The following NEB variants were observed in gnomAD, a reference collection of about 807,000 sequenced individuals.
NEB encodes nemaline myopathy type 2.
Under a neutral mutation model 952.2 loss-of-function variants are expected in NEB, and 512 were observed. That is an observed-to-expected ratio of 0.54 (90% CI 0.50 to 0.58). The LOEUF is 0.58. Among genes scored for constraint, NEB ranks in the 20% least tolerant of loss-of-function variants. The pLI is 0.00. For synonymous variants in NEB, 2,900 were observed against 3,149.8 expected, an observed-to-expected ratio of 0.92 and a Z score of 2.66; for missense variants, 8,428 against 9,231.1, an observed-to-expected ratio of 0.91 and a Z score of 3.56.
intron 13 of NEB, among the ~76,000 whole-genome samples, chr2:151,698,292 G>A (rs557106618): frequency 2.0e-5 from 3 of 151,954 alleles, no homozygotes; most frequent in African/African-American, 7.2e-5. Flanking sequence ...ACAATTCAAT[G>A]GATTTTAGTA....
chr2:151,717,637 C>A, intron 9 of NEB, 117 bp from the exon 10 acceptor site: 1 of 740,272 alleles, frequency 1.4e-6, no homozygotes, highest in Non-Finnish European at 2.3e-6. Flanking sequence ...CATACCATTG[C>A]TCTCAGTACT....
At chr2:151,571,076 G>A (rs1279078899) in intron 107 of NEB, among the ~76,000 whole-genome samples, 1 of 152,056 alleles carries the variant, frequency 6.6e-6, no homozygotes, top group Admixed American at 6.6e-5. Flanking sequence ...CACCATCTCG[G>A]CTCACCCCAA....
At chr2:151,662,466 A>C in intron 45 of NEB, 125 bp from the exon 46 acceptor site, 2 of 768,892 alleles carry the variant, frequency 2.6e-6, no homozygotes, top group East Asian at 2.7e-5. Flanking sequence ...CCACTTCAAT[A>C]TTTGCTTGAA....
intron 69 of NEB, 34 bp from the exon 70 acceptor site, chr2:151,627,239 G>T (rs1247904207): frequency 6.3e-7 from 1 of 1,588,734 alleles, no homozygotes; most frequent in Admixed American, 1.8e-5. Context: ...GAGTATTACT[G>T]AAGTTGTTTT....
At chr2:151,644,266 G>A in intron 56 of NEB, 137 bp from the exon 57 acceptor site, 1 of 1,305,774 alleles carries the variant, frequency 7.7e-7, no homozygotes, top group Non-Finnish European at 1.1e-6. Context: ...TGATAAGAAA[G>A]ATTAAAGGCT....
rs780833404 is a variant in NEB at position 151,694,642 on chromosome 2, A to T, written c.1675-13T>A. ...GCTTATAAAGATTCTGGACAAAAAA[A>T]TTCAGCAAAGGAATTGGCAAAAGTG... On this transcript the variant is annotated splice_polypyrimidine_tract_variant and intron_variant, in intron 18 of 181. Transcript: ENST00000397345. 1.4e-5 allele frequency: 22 copies of T among 1,564,400 alleles called. No homozygotes were observed. The Admixed American group carries it at 3.1e-4, about 22-fold the overall frequency.
chr2:151,568,930 T>G (rs1382666745), intron 110 of NEB, among the ~76,000 whole-genome samples: 1 of 152,214 alleles, frequency 6.6e-6, no homozygotes, highest in African/African-American at 2.4e-5. Flanking sequence ...AGTAGGAAGT[T>G]TGCTTAGCTC....
chr2:151,544,762 A>G (rs771166268), intron 135 of NEB, among the ~76,000 whole-genome samples: 23 of 152,216 alleles, frequency 1.5e-4, no homozygotes, highest in Non-Finnish European at 2.9e-4. Flanking sequence ...CATCGCTAAG[A>G]GCCTAAGATT....
At chr2:151,496,022 T>TGGA in intron 173 of NEB, among the ~76,000 whole-genome samples, 1 of 152,234 alleles carries the variant, frequency 6.6e-6, no homozygotes, top group African/African-American at 2.4e-5. Context: ...AGAGTAAGTT[T>TGGA]GGAGAGAGAG....
At position 151,733,814 on chromosome 2, in the gene NEB, G is replaced by A. The variant is rs1022747036; in HGVS notation, c.-113-19C>T. 1 of 152,192 alleles carries A rather than the reference G, an allele frequency of 6.6e-6. No individual in the cohort carries two copies. The highest frequency in any genetic ancestry group is 2.4e-5 in the African/African-American group (1 of 41,426). The allele number at this position is 152,192 out of a possible 1,614,324, so 9.4% of individuals were successfully genotyped here. A position where few individuals can be genotyped will look rare whatever the true frequency, so the allele number is the denominator to read the frequency against. ...TTCAAACCTGAAAAATAACAAAGTT[G>A]TAAAGCATTGATTGAGGTACATATA... On this transcript the variant is annotated intron_variant, in intron 1 of 181. Coordinates refer to ENST00000397345, the MANE Select transcript of NEB (RefSeq NM_001164508.2).
chr2:151,514,355 A>G lies in NEB; in HGVS notation c.23090T>C (p.Met7697Thr). The change falls in exon 159 of 182, where the codon ATG becomes ACG. Residue 7697 changes from methionine (M) to threonine (T), a missense_variant. Transcript: ENST00000397345. ...GLTEMEDTPD[M>T]LRAKNATQIL... ...TTGAGTGGCATTCTTTGCTCTTAGC[A>G]TGTCAGGTGTATCTTCCATTTCAGT... 2 of 1,613,832 alleles carry G rather than the reference A, an allele frequency of 1.2e-6. No individual in the cohort carries two copies. Among genetic ancestry groups the G allele is most frequent in the African/African-American group, 1.3e-5 (1 of 75,048 alleles).
At chr2:151,492,058 A>G (rs770188547) in intron 178 of NEB, 40 bp downstream of exon 178, 5 of 1,589,522 alleles carry the variant, frequency 3.1e-6, no homozygotes, top group Admixed American at 1.7e-5. Flanking sequence ...CTACCCCCTC[A>G]CTTAAAGTTA....
intron 133 of NEB, 113 bp from the exon 134 acceptor site, chr2:151,546,556 A>ATTT: frequency 2.2e-6 from 1 of 460,884 alleles, no homozygotes; most frequent in South Asian, 3.6e-5. Flanking sequence ...TGGTTCATCT[A>ATTT]CTTTTTTTTT....
intron 28 of NEB, among the ~76,000 whole-genome samples, chr2:151,683,396 C>T (rs1308828827): frequency 1.3e-5 from 2 of 152,152 alleles, no homozygotes; most frequent in Non-Finnish European, 2.9e-5. Flanking sequence ...AAATGCTACT[C>T]TTGTTGTCTG....
At chr2:151,610,369 G>A (rs1433548674) in intron 80 of NEB, 147 bp downstream of exon 80, 1 of 716,098 alleles carries the variant, frequency 1.4e-6, no homozygotes, top group Non-Finnish European at 2.4e-6. Context: ...TTTATTCTCT[G>A]TAACAACAAA....
At chr2:151,533,408 T>G (rs1402116143) in intron 143 of NEB, 34 bp downstream of exon 143, 15 of 1,429,820 alleles carry the variant, frequency 1.0e-5, no homozygotes, top group Non-Finnish European at 1.4e-5. Context: ...AGACTTCTTC[T>G]AAACCTCCTT....
At position 151,734,453 on chromosome 2, in the gene NEB, C is replaced by T. The variant is rs549740944; in HGVS notation, c.-169G>A. ...GCAAAGCCTCTCCCAACTCTCCCCT[C>T]CTGAGAACCCCAGGCAAAAGCCAGC... On this transcript the variant is annotated 5_prime_UTR_variant, in exon 1 of 182. Transcript: ENST00000397345. The T allele has an allele frequency of 1.3e-5, 2 of 152,292 alleles. No homozygotes were observed. Among genetic ancestry groups the T allele is most frequent in the Non-Finnish European group, 2.9e-5 (2 of 68,020 alleles). The allele number at this position is 152,292 out of a possible 1,614,324, so 9.4% of individuals were successfully genotyped here.
intron 153 of NEB, 82 bp from the exon 154 acceptor site, chr2:151,519,850 AAAG>A: frequency 1.1e-6 from 1 of 877,474 alleles, no homozygotes; most frequent in Non-Finnish European, 1.9e-6. Flanking sequence ...CACAAATGCC[AAAG>A]AATATGCATT....
At chr2:151,519,605 G>A in intron 154 of NEB, 53 bp downstream of exon 154, 2 of 1,347,022 alleles carry the variant, frequency 1.5e-6, no homozygotes, top group Non-Finnish European at 2.1e-6. Flanking sequence ...CTTAAAAACA[G>A]TTAAAATGGC....
Sources: gnomAD v4.1 joint callset for allele counts (sites outside exome capture counted in the v4.1 genomes callset) on GRCh38, gnomAD v4.1.1 for gene constraint, MANE v1.5 for transcripts, NCBI Gene and HGNC (gene_info 2026-07-23, HGNC 2026-07-21) for gene names.